KITLG: variants seen among roughly 807,000 people sequenced by gnomAD.
KITLG encodes c-Kit ligand.
KITLG carries 13 observed loss-of-function variants against 34.1 expected under a neutral mutation model. The ratio of observed to expected loss-of-function variants is 0.38; its 90% confidence interval spans 0.25 to 0.61. KITLG has a LOEUF of 0.61. Among genes scored for constraint, KITLG ranks in the 20% least tolerant of loss-of-function variants. The pLI, the probability that KITLG is intolerant of heterozygous loss-of-function variation, is 0.60. For missense variants in KITLG, 292 were observed against 318.9 expected (o/e 0.92, Z 0.64); for synonymous variants, 110 against 104.0 (o/e 1.06, Z -0.35).
intron 2 of KITLG, among the ~76,000 whole-genome samples, chr12:88,541,342 G>C (rs1462200584): frequency 3.3e-5 from 5 of 152,064 alleles, no homozygotes; most frequent in Non-Finnish European, 7.4e-5. Context: ...ATGGAGATGG[G>C]ACCTTAAGAA....
chr12:88,505,552 A>G (rs1869026499), intron 8 of KITLG, among the ~76,000 whole-genome samples: 1 of 152,190 alleles, frequency 6.6e-6, no homozygotes, highest in Non-Finnish European at 1.5e-5. Flanking sequence ...CACCAAATGA[A>G]AATTATAATC....
rs144040410 is a variant in KITLG at position 88,561,898 on chromosome 12, A to G, written c.16-16033T>C. ...TCTCATCATTCAGGACTCAGTTCAA[A>G]TATCACCTTCTCAGAGAAGCCTTCC... On this transcript the variant is annotated intron_variant, in intron 1 of 9. Transcript: ENST00000644744. Among the ~76,000 whole-genome samples the G allele has an allele frequency of 3.5e-3, 532 of 152,278 alleles. 1 individual carries two copies. Among genetic ancestry groups the G allele is most frequent in the Middle Eastern group, 0.01 (3 of 294 alleles).
intron 2 of KITLG, chr12:88,534,804 T>C: frequency 2.5e-6 from 1 of 403,764 alleles, no homozygotes; most frequent in Non-Finnish European, 4.8e-6. Context: ...CCATAATTTC[T>C]TTTCTCTTCT....
intron 2 of KITLG, among the ~76,000 whole-genome samples, chr12:88,544,938 C>G (rs1036580500): frequency 6.6e-6 from 1 of 151,426 alleles, no homozygotes; most frequent in African/African-American, 2.4e-5. Flanking sequence ...TACCTATTCT[C>G]GCATCACCTC....
chr12:88,535,283 A>G (rs1870267157), intron 2 of KITLG, among the ~76,000 whole-genome samples: 1 of 152,194 alleles, frequency 6.6e-6, no homozygotes, highest in Non-Finnish European at 1.5e-5. Context: ...GTATAATAAT[A>G]AAGTAATTTA....
chr12:88,532,325 T>C, intron 3 of KITLG, 116 bp downstream of exon 3: 1 of 813,502 alleles, frequency 1.2e-6, no homozygotes, highest in Admixed American at 2.4e-5. Context: ...GATAAATTCT[T>C]CAAATCCTGA....
At chr12:88,497,380 C>T (rs921460338) in intron 9 of KITLG, among the ~76,000 whole-genome samples, 199 bp from the exon 10 acceptor site, 5 of 152,164 alleles carry the variant, frequency 3.3e-5, no homozygotes, top group African/African-American at 1.2e-4. Context: ...TCCTTGGTAA[C>T]ACATTATCTG....
At chr12:88,521,823 T>G (rs1308344839) in intron 3 of KITLG, among the ~76,000 whole-genome samples, 1 of 152,176 alleles carries the variant, frequency 6.6e-6, no homozygotes, top group Non-Finnish European at 1.5e-5. Flanking sequence ...TCTTGATAGC[T>G]TCTGTCTTAT....
rs1039611394 is a variant in KITLG, at chr12:88,573,064, C to G, written c.15+7200G>C. 4.6e-5 allele frequency among the ~76,000 whole-genome samples: 7 copies of G among 152,308 alleles called. No homozygotes were observed. The East Asian group carries it at 9.6e-4, about 21-fold the overall frequency. On this transcript the variant is annotated intron_variant, in intron 1 of 9. Transcript: ENST00000644744. ...AGAAGCGTTAAATTGTACATTTACACAGAACCATAAATAATGATGTATGAC... is the reference window on the plus strand; with the variant it reads ...AGAAGCGTTAAATTGTACATTTACAGAGAACCATAAATAATGATGTATGAC...
intron 4 of KITLG, among the ~76,000 whole-genome samples, chr12:88,518,405 G>A (rs1269858583): frequency 6.6e-6 from 1 of 152,116 alleles, no homozygotes; most frequent in African/African-American, 2.4e-5. Flanking sequence ...AAGGTTTCAA[G>A]GACTTCACTT....
chr12:88,573,576 A>T (rs1871727491), intron 1 of KITLG, among the ~76,000 whole-genome samples: 2 of 152,122 alleles, frequency 1.3e-5, no homozygotes, highest in African/African-American at 4.8e-5. Flanking sequence ...AGCTTTAGGG[A>T]TTTTATGTCA....
chr12:88,524,122 G>A (rs1410666406), intron 3 of KITLG, among the ~76,000 whole-genome samples: 1 of 152,098 alleles, frequency 6.6e-6, no homozygotes, highest in African/African-American at 2.4e-5. Flanking sequence ...ATCTATTCAG[G>A]GCTTCAGTTT....
intron 9 of KITLG, 145 bp from the exon 10 acceptor site, chr12:88,497,326 A>G (rs941418294): frequency 1.8e-5 from 4 of 224,432 alleles, no homozygotes; most frequent in Non-Finnish European, 3.7e-5. Flanking sequence ...AAAGAACTTC[A>G]TAAATATTTT....
intron 3 of KITLG, among the ~76,000 whole-genome samples, chr12:88,526,798 G>T (rs756975456): frequency 6.6e-6 from 1 of 151,508 alleles, no homozygotes; most frequent in Non-Finnish European, 1.5e-5. Flanking sequence ...GTGGCAGCAA[G>T]GAACTGGTAA....
intron 6 of KITLG, among the ~76,000 whole-genome samples, chr12:88,509,560 C>A (rs1869196780): frequency 6.6e-6 from 1 of 152,120 alleles, no homozygotes; most frequent in African/African-American, 2.4e-5. Context: ...TGGAGTCTGA[C>A]TAAGACACAG....
At position 88,504,467 on chromosome 12, in the gene KITLG, C is replaced by A. The variant is rs976102259; in HGVS notation, c.*37+692G>T. Among the ~76,000 whole-genome samples the A allele has an allele frequency of 1.1e-4, 17 of 152,260 alleles. 1 individual carries two copies. The highest frequency in any genetic ancestry group is 3.9e-4 in the African/African-American group (16 of 41,538). On this transcript the variant is annotated intron_variant, in intron 9 of 9. Transcript: ENST00000644744. Reference sequence around the variant, plus strand: ...AGTGGGCGAAGGATATGAACAGACACTTCTCAAAAGAAGATATTTATGCAG... The same window carrying A: ...AGTGGGCGAAGGATATGAACAGACAATTCTCAAAAGAAGATATTTATGCAG...
rs889726777 is a variant in KITLG, at chr12:88,494,627, T to C, written c.*2592A>G. 6.6e-6 allele frequency: 1 copy of C among 152,410 alleles called. No homozygotes were observed. The highest frequency in any genetic ancestry group is 1.5e-5 in the Non-Finnish European group (1 of 67,922). The allele number at this position is 152,410 out of a possible 1,614,324, so 9.4% of individuals were successfully genotyped here. A position where few individuals can be genotyped will look rare whatever the true frequency, so the allele number is the denominator to read the frequency against. On this transcript the variant is annotated 3_prime_UTR_variant, in exon 10 of 10. Coordinates refer to ENST00000644744, the MANE Select transcript of KITLG (RefSeq NM_000899.5). ...ATATCCAGGAACACTTCATTATCAC[T>C]CAGGAGGCAACATTTATCATAAAGC...
chr12:88,569,310 A>C (rs1190002116), intron 1 of KITLG, among the ~76,000 whole-genome samples: 1 of 152,138 alleles, frequency 6.6e-6, no homozygotes, highest in East Asian at 1.9e-4. Context: ...TTTCTTTTTC[A>C]GTTTTTGTTT....
chr12:88,505,258 G>A, intron 8 of KITLG, 23 bp from the exon 9 acceptor site: 1 of 1,584,824 alleles, frequency 6.3e-7, no homozygotes, highest in South Asian at 1.1e-5. Context: ...AAGAAAAAAT[G>A]CTTATTTGCT....
Sources: gnomAD v4.1 joint callset for allele counts (sites outside exome capture counted in the v4.1 genomes callset) on GRCh38, gnomAD v4.1.1 for gene constraint, MANE v1.5 for transcripts, NCBI Gene and HGNC (gene_info 2026-07-23, HGNC 2026-07-21) for gene names.